PSMC4: variants seen among roughly 807,000 people sequenced by gnomAD.
PSMC4 encodes the protein 26S proteasome regulatory subunit 6B.
In PSMC4, 13 loss-of-function variants were observed where a neutral mutation model predicts 48.4. The ratio of observed to expected loss-of-function variants is 0.27; its 90% CI spans 0.18 to 0.43. The LOEUF (loss-of-function observed/expected upper bound fraction) is 0.43. PSMC4 is among the 20% of genes least tolerant of loss of function. The pLI is 1.00. For synonymous variants in PSMC4, 202 were observed against 212.3 expected (o/e 0.95, Z 0.42); for missense variants, 262 against 555.9 (o/e 0.47, Z 5.32).
At chr19:39,976,401 CAAAAAAAAAAAA>C (rs757355957) in intron 6 of PSMC4, among the ~76,000 whole-genome samples, 1 of 45,178 alleles carries the variant, frequency 2.2e-5, no homozygotes, top group East Asian at 5.6e-4. Flanking sequence ...GACTCCGTCT[CAAAAAAAAAAAA>C]AAAAAAAAAA....
In PSMC4 at chr19:39,974,882, C is replaced by A; in HGVS notation, c.673+54C>A. 6.6e-7 allele frequency: 1 copy of A among 1,513,384 alleles called. No individual in the cohort carries two copies. Among genetic ancestry groups the A allele is most frequent in the Non-Finnish European group, 9.1e-7 (1 of 1,096,626 alleles). The allele number at this position is 1,513,384 out of a possible 1,614,324, so 93.7% of individuals were successfully genotyped here. On this transcript the variant is annotated intron_variant, in intron 6 of 10. Coordinates refer to ENST00000157812, the MANE Select transcript of PSMC4 (RefSeq NM_006503.4). This position sits in a 1 kb window ranked among gnomAD's most constrained non-coding sequence, Gnocchi z 5.5. ...CTCATCTTCTGGCCTCTTCGCCTTG[C>A]TCCCTGCTCGCTCACTGGCACTGCA...
intron 1 of PSMC4, 144 bp from the exon 2 acceptor site, chr19:39,972,002 T>A (rs976671903): frequency 1.4e-6 from 1 of 740,546 alleles, no homozygotes; most frequent in African/African-American, 1.7e-5. Context: ...CAGGATCTAT[T>A]TAGAGGGTCT....
chr19:39,979,953 C>T lies in PSMC4; in HGVS notation c.810C>T (p.Ile270=), dbSNP rs369564944. Reference sequence around the variant, plus strand: ...TCTTCATAGACGAGATTGATGCCATCGCCACCAAGAGATTCGATGCTCAGA... The same window carrying T: ...TCTTCATAGACGAGATTGATGCCATTGCCACCAAGAGATTCGATGCTCAGA... ...AIIFIDEIDA[I]ATKRFDAQTG... Residue 270 remains isoleucine, a synonymous_variant, in exon 7 of 11, where the codon ATC becomes ATT. Coordinates refer to ENST00000157812, the MANE Select transcript of PSMC4 (RefSeq NM_006503.4). The T allele has an allele frequency of 3.8e-5, 61 of 1,613,898 alleles. No individual in the cohort carries two copies. The African/African-American group carries it at 6.5e-4, about 17-fold the overall frequency.
At position 39,980,555 on chromosome 19, in the gene PSMC4, G is replaced by A. The variant is rs571180845; in HGVS notation, c.1087+101G>A. 1 of 1,589,004 alleles carries A rather than the reference G, an allele frequency of 6.3e-7. No homozygotes were observed. Among genetic ancestry groups the A allele is most frequent in the Non-Finnish European group, 8.6e-7 (1 of 1,158,454 alleles). ...ACCACAGCCCAGACTGTGCAGGTGG[G>A]ACCAAGGTCCAGGGAGGAGGGGAGG... On this transcript the variant is annotated intron_variant, in intron 9 of 10. Transcript: ENST00000157812. The surrounding 1 kb of genome is among the most constrained non-coding windows in gnomAD (Gnocchi z 4.8).
intron 6 of PSMC4, among the ~76,000 whole-genome samples, chr19:39,977,952 G>A (rs1385238851): frequency 6.6e-6 from 1 of 152,104 alleles, no homozygotes; most frequent in Non-Finnish European, 1.5e-5. Flanking sequence ...CTAAGTAGGT[G>A]GGACTACAGG....
In PSMC4 at chr19:39,981,734, G is replaced by A. The variant is rs1971289899; in HGVS notation, c.*429G>A. Among the ~76,000 whole-genome samples the A allele has an allele frequency of 6.6e-6, 1 of 152,132 alleles. No homozygotes were observed. The highest frequency in any genetic ancestry group is 1.5e-5 in the Non-Finnish European group (1 of 68,022). On this transcript the variant is annotated 3_prime_UTR_variant, in exon 11 of 11. Coordinates refer to ENST00000157812, the MANE Select transcript of PSMC4 (RefSeq NM_006503.4). ...CACAGGCCTTGGGAGTTCATAGGAA[G>A]GAGATGTCCAGTGCTGTCCAGTAGA...
Position 39,974,035 on chromosome 19 carries a change from G to C in PSMC4, c.323-259G>C, listed in dbSNP as rs1971150837. On this transcript the variant is annotated intron_variant, in intron 3 of 10. Coordinates refer to ENST00000157812, the MANE Select transcript of PSMC4 (RefSeq NM_006503.4). The surrounding 1 kb of genome is among the most constrained non-coding windows in gnomAD (Gnocchi z 5.5). Reference sequence around the variant, plus strand: ...AGGAGAGAGACTGAGCCTGGAAACAGAAGTGTGCCTCACTAGTATGAGATG... The same window carrying C: ...AGGAGAGAGACTGAGCCTGGAAACACAAGTGTGCCTCACTAGTATGAGATG... 6.6e-6 allele frequency among the ~76,000 whole-genome samples: 1 copy of C among 152,214 alleles called. No homozygotes were observed. Among genetic ancestry groups the C allele is most frequent in the Admixed American group, 6.5e-5 (1 of 15,280 alleles).
Position 39,981,415 on chromosome 19 carries a change from T to G in PSMC4, c.*110T>G. 1 of 736,272 alleles carries G rather than the reference T, an allele frequency of 1.4e-6. No individual in the cohort carries two copies. Among genetic ancestry groups the G allele is most frequent in the Non-Finnish European group, 2.4e-6 (1 of 425,012 alleles). The allele number at this position is 736,272 out of a possible 1,614,324, so 45.6% of individuals were successfully genotyped here. A position where few individuals can be genotyped will look rare whatever the true frequency, so the allele number is the denominator to read the frequency against. On this transcript the variant is annotated 3_prime_UTR_variant, in exon 11 of 11. Coordinates refer to ENST00000157812, the MANE Select transcript of PSMC4 (RefSeq NM_006503.4). ...TTTTTCTTTACCCAGGATTGGTTTC[T>G]TCAATAAATAGATAAGATCGAATCC...
chr19:39,977,761 G>A (rs1971227279), intron 6 of PSMC4, among the ~76,000 whole-genome samples: 1 of 151,938 alleles, frequency 6.6e-6, no homozygotes. Context: ...GGCCAAGGTT[G>A]CAGTGAGCGA....
At chr19:39,973,475 G>A (rs969501307) in intron 3 of PSMC4, among the ~76,000 whole-genome samples, 3 of 151,636 alleles carry the variant, frequency 2.0e-5, no homozygotes, top group Non-Finnish European at 4.4e-5. Context: ...TCCCAGCTAC[G>A]CAGGTGGTTG....
Position 39,971,927 on chromosome 19 carries a change from T to C in PSMC4, c.37-219T>C, listed in dbSNP as rs58134839. On this transcript the variant is annotated intron_variant, in intron 1 of 10. Coordinates refer to ENST00000157812, the MANE Select transcript of PSMC4 (RefSeq NM_006503.4). Reference sequence around the variant, plus strand: ...GGGACATGTTATGAGTGGTATATGATAACATAAGATCTGTTTGAGGGGCAA... The same window carrying C: ...GGGACATGTTATGAGTGGTATATGACAACATAAGATCTGTTTGAGGGGCAA... Among the ~76,000 whole-genome samples the C allele has an allele frequency of 1.5e-3, 230 of 152,244 alleles. 3 individuals carry two copies. The East Asian group carries it at 0.04, about 26-fold the overall frequency.
At chr19:39,977,484 A>G in intron 6 of PSMC4, among the ~76,000 whole-genome samples, 1 of 151,992 alleles carries the variant, frequency 6.6e-6, no homozygotes, top group South Asian at 2.1e-4. Flanking sequence ...AGAAATGGGA[A>G]AAGCTGCTGA....
chr19:39,980,696 T>C lies in PSMC4; in HGVS notation c.1122T>C (p.Asp374=). 1 of 1,614,060 alleles carries C rather than the reference T, an allele frequency of 6.2e-7. No homozygotes were observed. Among genetic ancestry groups the C allele is most frequent in the Non-Finnish European group, 8.5e-7 (1 of 1,179,974 alleles). The change falls in exon 10 of 11, where the codon GAT becomes GAC. Residue 374 remains aspartate, a synonymous_variant. Coordinates refer to ENST00000157812, the MANE Select transcript of PSMC4 (RefSeq NM_006503.4). This position sits in a 1 kb window ranked among gnomAD's most constrained non-coding sequence, Gnocchi z 4.8. ...VARPDKISGA[D]INSICQESGM... ...GGCCAGATAAGATTTCAGGAGCTGA[T>C]ATTAACTCCATCTGTCAGGAGGTAA...
In PSMC4 at chr19:39,974,707, C is replaced by T; in HGVS notation, c.580-28C>T. On this transcript the variant is annotated intron_variant, in intron 5 of 10. Coordinates refer to ENST00000157812, the MANE Select transcript of PSMC4 (RefSeq NM_006503.4). The surrounding 1 kb of genome is among the most constrained non-coding windows in gnomAD (Gnocchi z 5.5). The stretch of plus-strand genomic sequence containing the variant: ...GGTTGGAGGTGGAACCCCTGACTCC[C>T]ACTTCTCTTCCTTCCTCTGGGTTTC... 6.2e-7 allele frequency: 1 copy of T among 1,613,022 alleles called. No homozygotes were observed.
At chr19:39,975,367 C>CCCTCTGCCTCCCAA (rs59096610) in intron 6 of PSMC4, among the ~76,000 whole-genome samples, 140 of 151,988 alleles carry the variant, frequency 9.2e-4, no homozygotes, top group African/African-American at 3.1e-3. Context: ...GATCCTCCCA[C>CCCTCTGCCTCCCAA]AGTGCTGGGA....
In PSMC4 at chr19:39,979,261, C is replaced by CA. The variant is rs367819635; in HGVS notation, c.674-549dup. 6.7e-3 allele frequency among the ~76,000 whole-genome samples: 1,012 copies of CA among 151,630 alleles called. 5 individuals are homozygous for CA. The highest frequency in any genetic ancestry group is 0.012 in the Non-Finnish European group (791 of 67,866). ...ATATCCTGATTTTTAAATGTTGGGCCAAAAAAATGACACATCTGGCTGGAC... is the reference window on the plus strand; with the variant it reads ...ATATCCTGATTTTTAAATGTTGGGCCAAAAAAAATGACACATCTGGCTGGAC... On this transcript the variant is annotated intron_variant, in intron 6 of 10. Transcript: ENST00000157812.
At chr19:39,975,551 G>T (rs1971183742) in intron 6 of PSMC4, among the ~76,000 whole-genome samples, 1 of 152,068 alleles carries the variant, frequency 6.6e-6, no homozygotes, top group Non-Finnish European at 1.5e-5. Context: ...GGAGGTAGTA[G>T]TTAAGCAGTA....
intron 1 of PSMC4, 150 bp downstream of exon 1, chr19:39,971,388 A>G (rs900942579): frequency 8.5e-6 from 8 of 935,968 alleles, no homozygotes; most frequent in African/African-American, 1.7e-5. Flanking sequence ...GTGCCATTCG[A>G]AGGCCTGTCT....
At chr19:39,977,260 C>A (rs571156519) in intron 6 of PSMC4, among the ~76,000 whole-genome samples, 1 of 152,216 alleles carries the variant, frequency 6.6e-6, no homozygotes, top group East Asian at 1.9e-4. Context: ...ACCCAGATTC[C>A]CTAATGTTAC....
Sources: allele counts gnomAD v4.1 joint callset (sites outside exome capture counted in the v4.1 genomes callset), GRCh38; gene constraint gnomAD v4.1.1; non-coding constraint Gnocchi (gnomAD v3.1); transcripts MANE v1.5; gene names NCBI Gene and HGNC (gene_info 2026-07-23, HGNC 2026-07-21).